Variants in NYAP2 observed in about 807,000 individuals in gnomAD.
NYAP2 encodes the protein neuronal tyrosine-phosphorylated phosphoinositide-3-kinase adaptor 2.
A neutral mutation model predicts 50.4 loss-of-function variants in NYAP2; 23 were observed. That is an observed-to-expected ratio of 0.46 (90% confidence interval 0.33 to 0.65). The LOEUF is 0.65. Among genes scored for constraint, NYAP2 ranks in the 30% least tolerant of loss-of-function variants. The probability of loss-of-function intolerance (pLI) is 0.02; values close to 1 mark genes in which losing one functional copy is unlikely to be tolerated. For missense variants in NYAP2, 885 were observed against 861.0 expected, an observed-to-expected ratio of 1.03 and a Z score of -0.35; for synonymous variants, 394 against 365.2, an observed-to-expected ratio of 1.08 and a Z score of -0.90.
intron 6 of NYAP2, among the ~76,000 whole-genome samples, chr2:225,640,798 C>T (rs1693513593): frequency 6.6e-6 from 1 of 152,140 alleles, no homozygotes; most frequent in African/African-American, 2.4e-5. Flanking sequence ...TATATTCATA[C>T]ACACACATAT....
At chr2:225,493,510 T>C (rs1383051673) in intron 3 of NYAP2, among the ~76,000 whole-genome samples, 3 of 152,176 alleles carry the variant, frequency 2.0e-5, no homozygotes, top group Non-Finnish European at 4.4e-5. Flanking sequence ...CCATAGTTTC[T>C]CAAAACAATT....
intron 4 of NYAP2, among the ~76,000 whole-genome samples, chr2:225,566,475 A>G (rs1691965364): frequency 6.6e-6 from 1 of 152,224 alleles, no homozygotes; most frequent in African/African-American, 2.4e-5. Context: ...GAAATGTTCC[A>G]ATCATTAATC....
chr2:225,477,458 G>A (rs978382083), intron 3 of NYAP2, among the ~76,000 whole-genome samples: 4 of 151,684 alleles, frequency 2.6e-5, no homozygotes, highest in African/African-American at 7.3e-5. Flanking sequence ...GGATGGTCTC[G>A]ATCTCCTGAC....
intron 5 of NYAP2, among the ~76,000 whole-genome samples, chr2:225,622,545 CTTTCTTTCTTTCTTT>C (rs1693129444): frequency 1.5e-5 from 1 of 64,710 alleles, no homozygotes; most frequent in African/African-American, 6.4e-5. Flanking sequence ...TTCTTTCTTT[CTTTCTTTCTTTCTTT>C]TTCTTTCTTT....
chr2:225,431,828 G>T (rs552602793), intron 3 of NYAP2, among the ~76,000 whole-genome samples: 1 of 152,210 alleles, frequency 6.6e-6, no homozygotes, highest in Non-Finnish European at 1.5e-5. Flanking sequence ...AATTGAACAT[G>T]GGAAGGGTTG....
chr2:225,467,793 A>C (rs1689944858), intron 3 of NYAP2, among the ~76,000 whole-genome samples: 1 of 152,236 alleles, frequency 6.6e-6, no homozygotes, highest in African/African-American at 2.4e-5. Context: ...CACCACACTT[A>C]CAAAAATAAC....
chr2:225,450,331 A>G (rs1266692968), intron 3 of NYAP2, among the ~76,000 whole-genome samples: 1 of 152,134 alleles, frequency 6.6e-6, no homozygotes, highest in Non-Finnish European at 1.5e-5. Context: ...ATGAAGAGAG[A>G]AGCACAAGAG....
chr2:225,541,166 G>A (rs922985198), intron 4 of NYAP2, among the ~76,000 whole-genome samples: 1 of 152,044 alleles, frequency 6.6e-6, no homozygotes, highest in African/African-American at 2.4e-5. Context: ...AGTTGTTTGA[G>A]CTCCTTATAT....
At chr2:225,697,335 T>C in the NYAP2 span, among the ~76,000 whole-genome samples, 1 of 152,016 alleles carries the variant, frequency 6.6e-6, no homozygotes, top group Non-Finnish European at 1.5e-5. Context: ...TTTTTGAAGT[T>C]GATTAGAATC....
At chr2:225,600,358 A>G (rs1385532899) in intron 5 of NYAP2, among the ~76,000 whole-genome samples, 2 of 152,184 alleles carry the variant, frequency 1.3e-5, no homozygotes, top group African/African-American at 4.8e-5. Context: ...GTTATCCCCA[A>G]GAGCAATTTG....
At chr2:225,679,640 A>T in the NYAP2 span, among the ~76,000 whole-genome samples, 27 of 151,584 alleles carry the variant, frequency 1.8e-4, no homozygotes, top group African/African-American at 6.5e-4. Context: ...GACTACAGGC[A>T]TGCACCACCA....
At chr2:225,499,492 A>G (rs1439191735) in intron 3 of NYAP2, among the ~76,000 whole-genome samples, 3 of 148,450 alleles carry the variant, frequency 2.0e-5, no homozygotes, top group African/African-American at 7.5e-5. Context: ...TTTTTTTTGT[A>G]TTTTTAGTAG....
In NYAP2 at chr2:225,518,590, A is replaced by G. The variant is rs4087983; in HGVS notation, c.523+4918A>G. Among the ~76,000 whole-genome samples, 104 of 139,952 alleles carry G rather than the reference A, an allele frequency of 7.4e-4. 2 individuals carry two copies. Among genetic ancestry groups the G allele is most frequent in the Non-Finnish European group, 1.2e-3 (79 of 64,318 alleles). The allele number at this position is 139,952 out of a possible 152,430, so 91.8% of individuals were successfully genotyped here. A position where few individuals can be genotyped will look rare whatever the true frequency, so the allele number is the denominator to read the frequency against. On this transcript the variant is annotated intron_variant, in intron 4 of 6. Transcript: ENST00000636099. ...TATATTAGCGTGTGCGCTTATATATATATATATATATATATTAGCTTGTGA... is the reference window on the plus strand; with the variant it reads ...TATATTAGCGTGTGCGCTTATATATGTATATATATATATATTAGCTTGTGA...
At chr2:225,557,207 T>C (rs16866648) in intron 4 of NYAP2, among the ~76,000 whole-genome samples, 24,653 of 152,148 alleles carry the variant, frequency 0.16, 2,206 homozygotes, top group African/African-American at 0.23. Context: ...ATTTACAAAA[T>C]CTTGCCATTG....
Position 225,577,386 on chromosome 2 carries a change from A to G in NYAP2, c.524-4555A>G, listed in dbSNP as rs185694865. Among the ~76,000 whole-genome samples the G allele has an allele frequency of 6.6e-5, 10 of 152,302 alleles. No individual in the cohort carries two copies. The East Asian group carries it at 1.7e-3, about 26-fold the overall frequency. On this transcript the variant is annotated intron_variant, in intron 4 of 6. Coordinates refer to ENST00000636099, the Ensembl canonical transcript of NYAP2. ...CATTTTATTGTCTTTTATTAGCAAT[A>G]TTTTAGCATCTATGTATGTAACTCA...
At position 225,582,229 on chromosome 2, in the gene NYAP2, T is replaced by G. The variant is rs768370254; in HGVS notation, c.812T>G (p.Met271Arg). 6.2e-7 allele frequency: 1 copy of G among 1,614,030 alleles called. No individual in the cohort carries two copies. Among genetic ancestry groups the G allele is most frequent in the Non-Finnish European group, 8.5e-7 (1 of 1,179,904 alleles). ...CAGAGCGAGGCCGTCTACGAGGAAA[T>G]GAAGTACCCTATCTTTGACGACTTG... Residue 271 changes from methionine (M) to arginine (R), a missense_variant, in exon 5 of 7, where the codon ATG (methionine) becomes AGG (arginine). Coordinates refer to ENST00000636099, the Ensembl canonical transcript of NYAP2. The surrounding 1 kb of genome is among the most constrained non-coding windows in gnomAD (Gnocchi z 7.0).
chr2:225,404,765 T>C (rs996720295), intron 2 of NYAP2, among the ~76,000 whole-genome samples: 5 of 152,044 alleles, frequency 3.3e-5, no homozygotes, highest in Admixed American at 3.3e-4. Context: ...CTTTAACTTA[T>C]ATTAGAATGG....
chr2:225,464,882 G>A (rs946296045), intron 3 of NYAP2, among the ~76,000 whole-genome samples: 25 of 152,168 alleles, frequency 1.6e-4, no homozygotes, highest in African/African-American at 5.3e-4. Flanking sequence ...TCTGTAATGC[G>A]TGTTCGTTTT....
intron 3 of NYAP2, among the ~76,000 whole-genome samples, chr2:225,443,049 A>C (rs1333269554): frequency 6.6e-6 from 1 of 152,094 alleles, no homozygotes; most frequent in Non-Finnish European, 1.5e-5. Context: ...ATTCACTATC[A>C]TGAGAACAGC....
Sources: allele counts gnomAD v4.1 joint callset (sites outside exome capture counted in the v4.1 genomes callset), GRCh38; gene constraint gnomAD v4.1.1; non-coding constraint Gnocchi (gnomAD v3.1); transcripts MANE v1.5; gene names NCBI Gene and HGNC (gene_info 2026-07-23, HGNC 2026-07-21).